Variants in SPOCK3 observed in about 807,000 individuals in gnomAD.
The protein encoded by SPOCK3 is testican-3.
In SPOCK3, 30 loss-of-function variants were observed where a neutral mutation model predicts 56.6. The ratio of observed to expected loss-of-function variants is 0.53; its 90% CI spans 0.40 to 0.72. The LOEUF (loss-of-function observed/expected upper bound fraction) is 0.72. Among genes scored for constraint, SPOCK3 ranks in the 30% least tolerant of loss-of-function variants. SPOCK3 has a pLI of 0.00. For synonymous variants in SPOCK3, 196 were observed against 183.3 expected, an observed-to-expected ratio of 1.07 and a Z score of -0.56; for missense variants, 527 against 530.0, an observed-to-expected ratio of 0.99 and a Z score of 0.06.
At chr4:167,081,219 T>C (rs1020016265) in intron 2 of SPOCK3, among the ~76,000 whole-genome samples, 3 of 152,020 alleles carry the variant, frequency 2.0e-5, no homozygotes, top group African/African-American at 4.8e-5. Flanking sequence ...AAAAATTATA[T>C]ACTTTTAGCT....
intron 6 of SPOCK3, among the ~76,000 whole-genome samples, chr4:166,838,400 T>A (rs1475318739): frequency 6.6e-6 from 1 of 152,132 alleles, no homozygotes. Context: ...GCTTAGATTG[T>A]ATAATTTTAT....
intron 6 of SPOCK3, among the ~76,000 whole-genome samples, chr4:166,869,216 A>G (rs924019444): frequency 7.4e-6 from 1 of 135,718 alleles, no homozygotes; most frequent in African/African-American, 2.6e-5. Flanking sequence ...AATTTCACAA[A>G]ATGTAAATTG....
Position 166,749,165 on chromosome 4 carries a change from C to T in SPOCK3, c.931+5343G>A, listed in dbSNP as rs1211154637. On this transcript the variant is annotated intron_variant, in intron 8 of 10. Coordinates refer to ENST00000357545, the MANE Select transcript of SPOCK3 (RefSeq NM_001040159.2). ...TATACCCAAAGGATTATAAATCATG[C>T]TACTATAAAGACACATGTGCACGTA... 2.9e-5 allele frequency among the ~76,000 whole-genome samples: 4 copies of T among 137,456 alleles called. 2 individuals are homozygous for T. The highest frequency in any genetic ancestry group is 6.2e-5 in the Non-Finnish European group (4 of 64,800). 90.2% of individuals were successfully genotyped at this position (137,456 alleles called of 152,430 possible).
chr4:167,013,217 CAT>C (rs1750263474), intron 3 of SPOCK3, among the ~76,000 whole-genome samples: 1 of 151,724 alleles, frequency 6.6e-6, no homozygotes, highest in African/African-American at 2.4e-5. Context: ...TATCTTAATA[CAT>C]GTTTATTAAA....
At chr4:166,993,228 C>T (rs532504650) in intron 4 of SPOCK3, among the ~76,000 whole-genome samples, 1 of 152,258 alleles carries the variant, frequency 6.6e-6, no homozygotes, top group Non-Finnish European at 1.5e-5. Context: ...AGCCTTTAGG[C>T]CCAGTGGAGA....
chr4:167,026,935 T>C (rs1751752090), intron 3 of SPOCK3, among the ~76,000 whole-genome samples: 1 of 151,634 alleles, frequency 6.6e-6, no homozygotes, highest in Non-Finnish European at 1.5e-5. Flanking sequence ...ATACCTTATA[T>C]GATATGGTTT....
chr4:166,892,831 T>C (rs1478313420), intron 5 of SPOCK3, among the ~76,000 whole-genome samples: 2 of 152,100 alleles, frequency 1.3e-5, no homozygotes, highest in South Asian at 2.1e-4. Context: ...ATTTGTTTAA[T>C]AAGAGGATTG....
At chr4:166,893,261 A>T (rs1301472043) in intron 5 of SPOCK3, among the ~76,000 whole-genome samples, 1 of 152,146 alleles carries the variant, frequency 6.6e-6, no homozygotes, top group Non-Finnish European at 1.5e-5. Context: ...GGTTAATTCA[A>T]TTCTCAAGAT....
intron 6 of SPOCK3, among the ~76,000 whole-genome samples, chr4:166,834,820 C>CT (rs1216229737): frequency 6.6e-6 from 1 of 152,038 alleles, no homozygotes; most frequent in East Asian, 1.9e-4. Context: ...TCTCCCCCAT[C>CT]TTTTTTATCT....
chr4:166,819,952 C>A (rs1044238455), intron 6 of SPOCK3, among the ~76,000 whole-genome samples: 23 of 151,836 alleles, frequency 1.5e-4, no homozygotes, highest in African/African-American at 5.6e-4. Flanking sequence ...GAACTCCTGG[C>A]CTCAAGTGAC....
chr4:167,229,319 A>G (rs1736914381), intron 2 of SPOCK3, among the ~76,000 whole-genome samples: 1 of 152,188 alleles, frequency 6.6e-6, no homozygotes, highest in Non-Finnish European at 1.5e-5. Context: ...GTATGCCTGT[A>G]ACTCAAGAAA....
intron 4 of SPOCK3, among the ~76,000 whole-genome samples, chr4:166,954,703 C>G (rs570939627): frequency 6.6e-6 from 1 of 152,146 alleles, no homozygotes; most frequent in Non-Finnish European, 1.5e-5. Flanking sequence ...AAAAGGTATC[C>G]ATTTTTAACT....
chr4:167,157,459 T>A (rs1561275906), intron 2 of SPOCK3, among the ~76,000 whole-genome samples: 1 of 152,022 alleles, frequency 6.6e-6, no homozygotes, highest in Non-Finnish European at 1.5e-5. Flanking sequence ...ATAAAATTTT[T>A]AAATCTAAAT....
chr4:167,232,026 T>C (rs186840221), intron 2 of SPOCK3, among the ~76,000 whole-genome samples: 97 of 147,650 alleles, frequency 6.6e-4, no homozygotes, highest in African/African-American at 2.4e-3. Context: ...TTTGATGGAC[T>C]TTTTCCTTGA....
chr4:167,032,784 G>A (rs1752395835), intron 3 of SPOCK3, among the ~76,000 whole-genome samples: 1 of 151,856 alleles, frequency 6.6e-6, no homozygotes, highest in African/African-American at 2.4e-5. Flanking sequence ...TACATATTCT[G>A]TATCCAATTC....
chr4:166,901,146 C>T (rs1421348796), intron 5 of SPOCK3, among the ~76,000 whole-genome samples: 2 of 152,106 alleles, frequency 1.3e-5, no homozygotes, highest in South Asian at 4.1e-4. Flanking sequence ...CCTGTCAACA[C>T]CATCAGACGT....
rs138655958 is a variant in SPOCK3, at chr4:166,744,488, C to A, written c.932-2429G>T. Reference sequence around the variant, plus strand: ...CAAGACCGCATCTGTAGGTCACCATCATCAAAGACCAAAGGTAGATAAAAC... The same window carrying A: ...CAAGACCGCATCTGTAGGTCACCATAATCAAAGACCAAAGGTAGATAAAAC... On this transcript the variant is annotated intron_variant, in intron 8 of 10. Coordinates refer to ENST00000357545, the MANE Select transcript of SPOCK3 (RefSeq NM_001040159.2). 1.6e-3 allele frequency among the ~76,000 whole-genome samples: 242 copies of A among 152,236 alleles called. 3 individuals are homozygous for A. In the East Asian group the frequency reaches 0.04, roughly 25 times the overall value.
At chr4:167,227,776 T>A (rs561322403) in intron 2 of SPOCK3, among the ~76,000 whole-genome samples, 1 of 152,224 alleles carries the variant, frequency 6.6e-6, no homozygotes, top group Admixed American at 6.5e-5. Flanking sequence ...AAAACTAAAG[T>A]TGTGTGAGAA....
rs75432784 is a variant in SPOCK3 at position 167,172,598 on chromosome 4, A to T, written c.189+61387T>A. On this transcript the variant is annotated intron_variant, in intron 2 of 10. Coordinates refer to ENST00000357545, the MANE Select transcript of SPOCK3 (RefSeq NM_001040159.2). The stretch of plus-strand genomic sequence containing the variant: ...AAGCAACTTCAAACTAGTTTTCCTT[A>T]ATTTGTCCAAATGAGTTAAATCAGT... Among the ~76,000 whole-genome samples, 909 of 152,286 alleles carry T rather than the reference A, an allele frequency of 6.0e-3. 8 individuals are homozygous for T. The highest frequency in any genetic ancestry group is 0.014 in the Middle Eastern group (4 of 292).
Sources: gnomAD v4.1 joint callset for allele counts (sites outside exome capture counted in the v4.1 genomes callset) on GRCh38, gnomAD v4.1.1 for gene constraint, MANE v1.5 for transcripts, NCBI Gene and HGNC (gene_info 2026-07-23, HGNC 2026-07-21) for gene names.